The following LINGO2 variants were observed in gnomAD, a reference collection of about 807,000 sequenced individuals.
LINGO2 encodes the protein leucine rich repeat and Ig domain containing 2.
LINGO2 carries 14 observed loss-of-function variants against 30.6 expected under a neutral mutation model. The observed-to-expected ratio is 0.46, with a 90% CI of 0.30 to 0.72. The LOEUF (loss-of-function observed/expected upper bound fraction) is 0.72, where lower values mean the gene tolerates loss of function less well. Ranked by LOEUF, LINGO2 falls within the 30% of genes least tolerant of loss-of-function variation. LINGO2 has a pLI of 0.07. For missense variants in LINGO2, 729 were observed against 751.7 expected (o/e 0.97, Z 0.35); for synonymous variants, 317 against 288.5 (o/e 1.10, Z -1.00).
At chr9:28,412,122 T>C (rs1822787238) in intron 2 of LINGO2, among the ~76,000 whole-genome samples, 1 of 149,500 alleles carries the variant, frequency 6.7e-6, no homozygotes, top group Non-Finnish European at 1.5e-5. Flanking sequence ...TTCTCCAGTG[T>C]TCACTACATT....
At chr9:28,886,834 T>C in the LINGO2 span, among the ~76,000 whole-genome samples, 2 of 152,140 alleles carry the variant, frequency 1.3e-5, no homozygotes, top group Non-Finnish European at 2.9e-5. Flanking sequence ...CTTAGGCAAC[T>C]TGAGATAAAC....
chr9:27,997,932 G>C (rs546474760), intron 5 of LINGO2, among the ~76,000 whole-genome samples: 1 of 150,098 alleles, frequency 6.7e-6, no homozygotes, highest in Admixed American at 6.6e-5. Flanking sequence ...TTTCAGGAAG[G>C]GGATTCACAT....
At position 28,514,142 on chromosome 9, in the gene LINGO2, G is replaced by A. The variant is rs529770575; in HGVS notation, c.-364-38117C>T. ...GACAATGAACTTGATCAATAAATGTGTGTCTTTTGGCTGCTCCACTGAAAA... is the reference window on the plus strand; with the variant it reads ...GACAATGAACTTGATCAATAAATGTATGTCTTTTGGCTGCTCCACTGAAAA... On this transcript the variant is annotated intron_variant, in intron 1 of 5. Coordinates refer to ENST00000379992, the Ensembl canonical transcript of LINGO2. 9.9e-5 allele frequency among the ~76,000 whole-genome samples: 15 copies of A among 152,260 alleles called. No homozygotes were observed. In the East Asian group the frequency reaches 2.9e-3, roughly 29 times the overall value.
At chr9:27,960,204 C>G (rs1019080164) in intron 5 of LINGO2, among the ~76,000 whole-genome samples, 2 of 152,014 alleles carry the variant, frequency 1.3e-5, no homozygotes, top group Non-Finnish European at 2.9e-5. Flanking sequence ...TTTAAAAAAA[C>G]AAGCTGTTAA....
At chr9:28,266,054 A>T (rs1822739551) in intron 4 of LINGO2, among the ~76,000 whole-genome samples, 1 of 152,010 alleles carries the variant, frequency 6.6e-6, no homozygotes, top group Non-Finnish European at 1.5e-5. Context: ...ATTAGTTTTT[A>T]AAATGGATGT....
At chr9:28,169,985 T>C (rs992124406) in intron 4 of LINGO2, among the ~76,000 whole-genome samples, 3 of 152,220 alleles carry the variant, frequency 2.0e-5, no homozygotes, top group African/African-American at 7.2e-5. Context: ...CTATTTCATC[T>C]ATATTTTTAA....
At chr9:29,085,247 C>T in the LINGO2 span, among the ~76,000 whole-genome samples, 1 of 108,834 alleles carries the variant, frequency 9.2e-6, no homozygotes, top group South Asian at 3.1e-4. Flanking sequence ...TCTTATCTAA[C>T]TCAACAGGAA....
At chr9:28,903,324 T>C in the LINGO2 span, among the ~76,000 whole-genome samples, 6 of 152,046 alleles carry the variant, frequency 3.9e-5, no homozygotes, top group Non-Finnish European at 8.8e-5. Flanking sequence ...GGCTGACTCA[T>C]GAAGAAACAG....
intron 4 of LINGO2, among the ~76,000 whole-genome samples, chr9:28,077,428 T>C (rs564151285): frequency 7.0e-4 from 107 of 152,366 alleles, no homozygotes; most frequent in Non-Finnish European, 1.1e-3. Context: ...GGACAGCTTA[T>C]GAATCCACAT....
chr9:28,988,112 T>C, the LINGO2 span, among the ~76,000 whole-genome samples: 3 of 152,186 alleles, frequency 2.0e-5, no homozygotes, highest in Non-Finnish European at 4.4e-5. Context: ...TGAATGGTCC[T>C]TTATTGAAAA....
intron 3 of LINGO2, among the ~76,000 whole-genome samples, chr9:28,347,558 A>G (rs990007329): frequency 3.3e-5 from 5 of 152,214 alleles, no homozygotes; most frequent in Admixed American, 1.3e-4. Flanking sequence ...CCTCTGTGCT[A>G]GATATCAATT....
At chr9:28,309,809 A>C (rs950710118) in intron 3 of LINGO2, among the ~76,000 whole-genome samples, 1 of 152,094 alleles carries the variant, frequency 6.6e-6, no homozygotes. Context: ...CTCAAAACTT[A>C]ATCATATAAA....
chr9:28,075,204 A>G (rs1322289952), intron 4 of LINGO2, among the ~76,000 whole-genome samples: 1 of 151,998 alleles, frequency 6.6e-6, no homozygotes, highest in Non-Finnish European at 1.5e-5. Flanking sequence ...ATTCTGTATA[A>G]GGAGTATCAA....
chr9:28,002,789 C>T (rs76188544), intron 5 of LINGO2, among the ~76,000 whole-genome samples: 42 of 152,118 alleles, frequency 2.8e-4, no homozygotes, highest in East Asian at 2.3e-3. Context: ...ACATTCTCCC[C>T]GTCAGTGGGT....
At chr9:28,179,872 C>A in intron 4 of LINGO2, among the ~76,000 whole-genome samples, 1 of 151,668 alleles carries the variant, frequency 6.6e-6, no homozygotes, top group Non-Finnish European at 1.5e-5. Context: ...CAGGTTTGTG[C>A]AGCTAAAACT....
chr9:29,156,894 A>T, the LINGO2 span, among the ~76,000 whole-genome samples: 17,343 of 152,078 alleles, frequency 0.11, 1,196 homozygotes, highest in Middle Eastern at 0.16. Flanking sequence ...TAAGCCCAAA[A>T]TTTCAAATTT....
chr9:27,950,429 A>G (rs1166518452), exon 6 of LINGO2: 1 of 1,613,968 alleles, frequency 6.2e-7, no homozygotes, highest in South Asian at 1.1e-5. Context: ...CTTCCAGCAG[A>G]GGATATGATA....
At chr9:28,337,284 C>CA (rs1825622161) in intron 3 of LINGO2, among the ~76,000 whole-genome samples, 1 of 151,492 alleles carries the variant, frequency 6.6e-6, no homozygotes, top group Non-Finnish European at 1.5e-5. Flanking sequence ...AACGACCCTC[C>CA]AAATTAAAAT....
At chr9:28,183,496 C>T (rs1005718841) in intron 4 of LINGO2, among the ~76,000 whole-genome samples, 1 of 152,048 alleles carries the variant, frequency 6.6e-6, no homozygotes, top group African/African-American at 2.4e-5. Context: ...AGATCTAGTT[C>T]ACTGCCTTTT....
Sources: gnomAD v4.1 joint callset for allele counts (sites outside exome capture counted in the v4.1 genomes callset) on GRCh38, gnomAD v4.1.1 for gene constraint, MANE v1.5 for transcripts, NCBI Gene and HGNC (gene_info 2026-07-23, HGNC 2026-07-21) for gene names.